SNTG1: variants seen among roughly 807,000 people sequenced by gnomAD.
SNTG1 encodes the protein syntrophin gamma 1, also known as gamma-1-syntrophin.
Under a neutral mutation model 74.7 loss-of-function variants are expected in SNTG1, and 39 were observed. That is an observed-to-expected ratio of 0.52 (90% CI 0.40 to 0.68). The LOEUF (loss-of-function observed/expected upper bound fraction) is 0.68, where lower values mean the gene tolerates loss of function less well. Among genes scored for constraint, SNTG1 ranks in the 30% least tolerant of loss-of-function variants. The pLI is 0.00. For missense variants in SNTG1, 685 were observed against 609.5 expected (o/e 1.12, Z -1.30); for synonymous variants, 254 against 217.1 (o/e 1.17, Z -1.49).
intron 8 of SNTG1, among the ~76,000 whole-genome samples, chr8:50,480,491 A>T (rs1404877162): frequency 6.6e-6 from 1 of 152,212 alleles, no homozygotes; most frequent in Non-Finnish European, 1.5e-5. Context: ...AGAGCTGCTC[A>T]GGCTAATTAA....
chr8:50,034,572 C>T (rs1477325112), intron 1 of SNTG1, among the ~76,000 whole-genome samples: 1 of 152,072 alleles, frequency 6.6e-6, no homozygotes, highest in Non-Finnish European at 1.5e-5. Context: ...TGGTGTGAGC[C>T]CCTGCCCCAA....
intron 4 of SNTG1, among the ~76,000 whole-genome samples, chr8:50,409,693 G>T (rs1016325657): frequency 3.3e-5 from 5 of 152,178 alleles, no homozygotes; most frequent in Admixed American, 2.6e-4. Context: ...ATCTGTGGCT[G>T]TTCTCATGGT....
chr8:50,021,943 A>AAAAAT (rs1816854896), intron 1 of SNTG1, among the ~76,000 whole-genome samples: 2 of 146,734 alleles, frequency 1.4e-5, no homozygotes, highest in African/African-American at 2.5e-5. Flanking sequence ...CCTCTCAAAA[A>AAAAAT]AAAAATAAAA....
intron 12 of SNTG1, among the ~76,000 whole-genome samples, chr8:50,584,349 C>T (rs180717888): frequency 4.0e-5 from 6 of 151,504 alleles, no homozygotes; most frequent in African/African-American, 1.5e-4. Flanking sequence ...ACACTGTCTT[C>T]CACAATGGTT....
intron 1 of SNTG1, among the ~76,000 whole-genome samples, chr8:50,003,395 C>CT (rs1814926284): frequency 6.6e-6 from 1 of 152,016 alleles, no homozygotes; most frequent in Non-Finnish European, 1.5e-5. Flanking sequence ...TTACAGTGGT[C>CT]TTATGTGAAA....
At chr8:49,998,929 G>A (rs1266504635) in intron 1 of SNTG1, among the ~76,000 whole-genome samples, 2 of 152,146 alleles carry the variant, frequency 1.3e-5, no homozygotes, top group Non-Finnish European at 2.9e-5. Context: ...GGATAACTGT[G>A]TGTGCAGACT....
chr8:50,792,533 C>A, intron 18 of SNTG1, 138 bp from the exon 19 acceptor site: 5 of 888,094 alleles, frequency 5.6e-6, no homozygotes, highest in East Asian at 2.7e-5. Context: ...AAAATGTCTA[C>A]ATTTGAAATT....
chr8:50,379,771 A>G (rs1469497741), intron 2 of SNTG1, among the ~76,000 whole-genome samples: 2 of 152,270 alleles, frequency 1.3e-5, no homozygotes, highest in African/African-American at 2.4e-5. Flanking sequence ...AAGGTGCAAG[A>G]GCAACTTCGG....
intron 1 of SNTG1, among the ~76,000 whole-genome samples, chr8:49,918,926 G>T (rs1770722536): frequency 6.6e-6 from 1 of 152,116 alleles, no homozygotes; most frequent in Admixed American, 6.6e-5. Context: ...TTGCAAAAGA[G>T]AATTACTGGC....
At chr8:50,628,167 C>A (rs1276560393) in intron 13 of SNTG1, among the ~76,000 whole-genome samples, 1 of 152,214 alleles carries the variant, frequency 6.6e-6, no homozygotes, top group East Asian at 1.9e-4. Flanking sequence ...ACATTACTAT[C>A]TTATCATGTT....
chr8:50,625,087 C>T (rs1376247307), intron 13 of SNTG1, among the ~76,000 whole-genome samples: 1 of 152,078 alleles, frequency 6.6e-6, no homozygotes, highest in Non-Finnish European at 1.5e-5. Flanking sequence ...TGATAATAAC[C>T]AAGGGCCTTG....
chr8:50,148,332 G>T (rs898035130), intron 1 of SNTG1, among the ~76,000 whole-genome samples: 1 of 152,132 alleles, frequency 6.6e-6, no homozygotes, highest in South Asian at 2.1e-4. Flanking sequence ...ACTTTTGAGT[G>T]TAGGTTGGAC....
At chr8:50,234,175 T>C (rs747646455) in intron 2 of SNTG1, among the ~76,000 whole-genome samples, 12 of 151,974 alleles carry the variant, frequency 7.9e-5, no homozygotes, top group Non-Finnish European at 1.3e-4. Context: ...GTTGAATGAT[T>C]AAGCAAACTT....
intron 1 of SNTG1, among the ~76,000 whole-genome samples, chr8:50,136,094 T>A (rs2081466403): frequency 6.6e-6 from 1 of 152,222 alleles, no homozygotes; most frequent in Admixed American, 6.5e-5. Context: ...TGTTCCTTTT[T>A]TATGGCTGCA....
At chr8:50,337,274 A>G (rs1423467186) in intron 2 of SNTG1, among the ~76,000 whole-genome samples, 1 of 152,222 alleles carries the variant, frequency 6.6e-6, no homozygotes, top group Non-Finnish European at 1.5e-5. Context: ...GCTTACTAGG[A>G]GCAGAAACCA....
chr8:50,418,482 A>T (rs984407317), intron 4 of SNTG1, among the ~76,000 whole-genome samples: 4 of 151,888 alleles, frequency 2.6e-5, no homozygotes, highest in African/African-American at 9.7e-5. Context: ...TCTTTACGTT[A>T]TTCTTTTTCT....
intron 1 of SNTG1, among the ~76,000 whole-genome samples, chr8:50,170,186 T>C (rs2082758391): frequency 6.6e-6 from 1 of 152,276 alleles, no homozygotes; most frequent in South Asian, 2.1e-4. Flanking sequence ...CATGTTGTTC[T>C]TTAAGTAATG....
chr8:50,262,485 A>G (rs1053799757), intron 2 of SNTG1, among the ~76,000 whole-genome samples: 2 of 152,196 alleles, frequency 1.3e-5, no homozygotes, highest in Non-Finnish European at 2.9e-5. Context: ...ATCTCTGCTC[A>G]CTGCAGGCTC....
chr8:50,397,246 A>G (rs1323477293), intron 3 of SNTG1, among the ~76,000 whole-genome samples: 1 of 152,380 alleles, frequency 6.6e-6, no homozygotes, highest in East Asian at 1.9e-4. Flanking sequence ...ATGCAAAGTC[A>G]ACGAAGTTTG....
Sources: allele counts gnomAD v4.1 joint callset (sites outside exome capture counted in the v4.1 genomes callset), GRCh38; gene constraint gnomAD v4.1.1; transcripts MANE v1.5; gene names NCBI Gene and HGNC (gene_info 2026-07-23, HGNC 2026-07-21).